ZNF670: variants seen among roughly 807,000 people sequenced by gnomAD.
The protein encoded by ZNF670 is zinc finger protein 670.
A neutral mutation model predicts 10.9 loss-of-function variants in ZNF670; 7 were observed. The ratio of observed to expected loss-of-function variants is 0.64; its 90% CI spans 0.36 to 1.20. The LOEUF is 1.20. Among genes scored for constraint, ZNF670 ranks in the 50% most tolerant of loss-of-function variants. ZNF670 has a pLI of 0.02. For missense variants in ZNF670, 446 were observed against 458.6 expected (o/e 0.97, Z 0.25); for synonymous variants, 136 against 152.7 (o/e 0.89, Z 0.81).
chr1:247,039,382 A>G, intron 2 of ZNF670, 29 bp downstream of exon 2: 2 of 1,599,168 alleles, frequency 1.3e-6, no homozygotes, highest in Non-Finnish European at 8.5e-7. Context: ...GTTGTAATCA[A>G]CTACGTGAAT....
At chr1:247,043,989 G>A (rs576880982) in intron 1 of ZNF670, 14 of 200,042 alleles carry the variant, frequency 7.0e-5, no homozygotes, top group Non-Finnish European at 1.2e-4. Context: ...CCGAAAAAGA[G>A]AACTTCTTAA....
chr1:247,063,455 C>T lies in ZNF670; in HGVS notation c.3+15139G>A, dbSNP rs371622354. On this transcript the variant is annotated intron_variant, in intron 1 of 3. Coordinates refer to ENST00000366503, the MANE Select transcript of ZNF670 (RefSeq NM_033213.5). ...AAAATTAGCCAGGTGTGGTGGTGGG[C>T]GCCTGTAGTCCCAGCTACTTGGGAG... 2.9e-3 allele frequency among the ~76,000 whole-genome samples: 433 copies of T among 151,676 alleles called. 4 individuals carry two copies. Among genetic ancestry groups the T allele is most frequent in the African/African-American group, 9.7e-3 (403 of 41,336 alleles).
intron 1 of ZNF670, among the ~76,000 whole-genome samples, chr1:247,041,192 G>C (rs12141355): frequency 0.33 from 49,513 of 151,936 alleles, 8,891 homozygotes; most frequent in African/African-American, 0.46. Flanking sequence ...TTCAGACTTC[G>C]AAGGAAAACA....
intron 1 of ZNF670, among the ~76,000 whole-genome samples, chr1:247,048,970 T>C (rs774894496): frequency 5.3e-5 from 8 of 152,134 alleles, no homozygotes; most frequent in Non-Finnish European, 1.2e-4. Flanking sequence ...TCTAGGAGAG[T>C]TTCATAATTC....
intron 1 of ZNF670, among the ~76,000 whole-genome samples, chr1:247,040,754 G>A (rs61317293): frequency 5.9e-5 from 9 of 151,884 alleles, no homozygotes; most frequent in African/African-American, 1.9e-4. Context: ...GTGCAATGGC[G>A]TGATCTCGGC....
intron 1 of ZNF670, among the ~76,000 whole-genome samples, chr1:247,077,511 T>C (rs1022061394): frequency 5.3e-5 from 8 of 152,210 alleles, no homozygotes; most frequent in Admixed American, 1.3e-4. Context: ...ACTTTTTTTT[T>C]CTACAATTAA....
chr1:247,073,313 C>T (rs1671180890), intron 1 of ZNF670, among the ~76,000 whole-genome samples: 1 of 152,044 alleles, frequency 6.6e-6, no homozygotes, highest in Non-Finnish European at 1.5e-5. Flanking sequence ...GAACCCTGTG[C>T]TCAGTAGGTT....
Position 247,039,514 on chromosome 1 carries a change from C to T in ZNF670, c.27G>A (p.Val9=), listed in dbSNP as rs758591691. The change falls in exon 2 of 4, where the codon GTG becomes GTA. Residue 9 remains valine, a synonymous_variant. Transcript: ENST00000366503. MDSVSFED[V]AVAFTQEEWA... ...ACTCCTCCTGAGTAAAGGCCACAGC[C>T]ACATCTTCAAATGACACTGAATCCT... The T allele has an allele frequency of 1.2e-5, 19 of 1,598,038 alleles. No homozygotes were observed. Among genetic ancestry groups the T allele is most frequent in the Non-Finnish European group, 1.1e-5 (13 of 1,173,982 alleles).
chr1:247,072,480 T>C (rs1486226939), intron 1 of ZNF670, among the ~76,000 whole-genome samples: 3 of 151,380 alleles, frequency 2.0e-5, no homozygotes, highest in Middle Eastern at 6.8e-3. Context: ...AAAATTAATA[T>C]ATACTTAAAA....
intron 1 of ZNF670, among the ~76,000 whole-genome samples, chr1:247,076,478 G>T (rs916347583): frequency 6.6e-6 from 1 of 151,820 alleles, no homozygotes; most frequent in African/African-American, 2.4e-5. Context: ...GGATGATCTC[G>T]ATCTCCTGAC....
chr1:247,057,577 C>T (rs1217204066), intron 1 of ZNF670, among the ~76,000 whole-genome samples: 1 of 152,170 alleles, frequency 6.6e-6, no homozygotes, highest in African/African-American at 2.4e-5. Flanking sequence ...GATTTGGAAG[C>T]AACCAAAGTG....
At chr1:247,066,275 A>G (rs1296076382) in intron 1 of ZNF670, among the ~76,000 whole-genome samples, 1 of 152,018 alleles carries the variant, frequency 6.6e-6, no homozygotes, top group Non-Finnish European at 1.5e-5. Flanking sequence ...GAGGACCAGG[A>G]CTCATTTCTG....
intron 1 of ZNF670, among the ~76,000 whole-genome samples, chr1:247,054,268 G>A (rs1670666835): frequency 6.6e-6 from 1 of 152,208 alleles, no homozygotes; most frequent in South Asian, 2.1e-4. Flanking sequence ...TCCTGGTGCT[G>A]AGCTGGGCTC....
At chr1:247,040,693 T>A (rs1013047561) in intron 1 of ZNF670, among the ~76,000 whole-genome samples, 1 of 152,200 alleles carries the variant, frequency 6.6e-6, no homozygotes, top group African/African-American at 2.4e-5. Context: ...TTTATTTTTT[T>A]ATTTTATTTT....
intron 1 of ZNF670, among the ~76,000 whole-genome samples, chr1:247,072,317 T>C (rs1671136599): frequency 6.8e-6 from 1 of 147,514 alleles, no homozygotes; most frequent in African/African-American, 2.5e-5. Context: ...TGCCTGGTTT[T>C]GTTTTTTTTT....
At chr1:247,062,436 G>A (rs1268724802) in intron 1 of ZNF670, among the ~76,000 whole-genome samples, 1 of 152,064 alleles carries the variant, frequency 6.6e-6, no homozygotes, top group Non-Finnish European at 1.5e-5. Context: ...TGGCCTCCTC[G>A]AAAATATTTT....
At chr1:247,039,017 C>A in intron 2 of ZNF670, 147 bp from the exon 3 acceptor site, 1 of 504,642 alleles carries the variant, frequency 2.0e-6, no homozygotes, top group Non-Finnish European at 3.4e-6. Flanking sequence ...CATTCATAAC[C>A]AAGAAACACT....
chr1:247,036,251 G>C lies in ZNF670; in HGVS notation c.*1198C>G, dbSNP rs1670146990. On this transcript the variant is annotated 3_prime_UTR_variant, in exon 4 of 4. Coordinates refer to ENST00000366503, the MANE Select transcript of ZNF670 (RefSeq NM_033213.5). ...ACAAGAAAACTTCCTGAGCCTGTTT[G>C]AGAATATTTATGAAAAATCCACAAT... is the stretch of plus-strand genomic sequence containing the variant. 6.6e-6 allele frequency among the ~76,000 whole-genome samples: 1 copy of C among 152,184 alleles called. No homozygotes were observed. Among genetic ancestry groups the C allele is most frequent in the African/African-American group, 2.4e-5 (1 of 41,434 alleles).
At chr1:247,068,630 G>A (rs1229332724) in intron 1 of ZNF670, among the ~76,000 whole-genome samples, 1 of 150,446 alleles carries the variant, frequency 6.6e-6, no homozygotes, top group South Asian at 2.1e-4. Context: ...AAATTGAGCC[G>A]CCATATGATC....
Sources: allele counts gnomAD v4.1 joint callset (sites outside exome capture counted in the v4.1 genomes callset), GRCh38; gene constraint gnomAD v4.1.1; transcripts MANE v1.5; gene names NCBI Gene and HGNC (gene_info 2026-07-23, HGNC 2026-07-21).